The following ADGRL2 variants were observed in gnomAD, a reference collection of about 807,000 sequenced individuals.
ADGRL2 encodes adhesion G protein-coupled receptor L2, also known as calcium-independent alpha-latrotoxin receptor 2.
In ADGRL2, 44 loss-of-function variants were observed where a neutral mutation model predicts 157.4. That is an observed-to-expected ratio of 0.28 (90% CI 0.22 to 0.36). The LOEUF is 0.36. Ranked by LOEUF, ADGRL2 falls within the 10% of genes least tolerant of loss-of-function variation. ADGRL2 has a pLI of 1.00. For missense variants in ADGRL2, 1,510 were observed against 1,768.9 expected (o/e 0.85, Z 2.63); for synonymous variants, 585 against 624.7 (o/e 0.94, Z 0.95).
chr1:81,448,496 A>T (rs1438588728), intron 2 of ADGRL2, among the ~76,000 whole-genome samples: 1 of 151,944 alleles, frequency 6.6e-6, no homozygotes, highest in Non-Finnish European at 1.5e-5. Flanking sequence ...CTTTATAGCA[A>T]TGTGAGAATG....
At chr1:81,534,929 G>T (rs1051386069) in intron 2 of ADGRL2, among the ~76,000 whole-genome samples, 1 of 152,176 alleles carries the variant, frequency 6.6e-6, no homozygotes, top group Admixed American at 6.5e-5. Context: ...GGTGAATATT[G>T]TGATTTTTAT....
intron 3 of ADGRL2, among the ~76,000 whole-genome samples, chr1:81,620,674 T>C (rs1295205045): frequency 6.6e-6 from 1 of 152,190 alleles, no homozygotes; most frequent in Non-Finnish European, 1.5e-5. Context: ...CAATCTGCTT[T>C]AGAATAATAG....
chr1:81,781,679 C>T (rs1424275737), intron 2 of ADGRL2, among the ~76,000 whole-genome samples: 9 of 152,286 alleles, frequency 5.9e-5, no homozygotes, highest in Admixed American at 5.2e-4. Context: ...GGATATAGAA[C>T]TTGGATCCAG....
chr1:81,798,490 G>A (rs995604567), upstream of ADGRL2, among the ~76,000 whole-genome samples: 1 of 151,966 alleles, frequency 6.6e-6, no homozygotes, highest in African/African-American at 2.4e-5. Context: ...TATATTTTTA[G>A]GAGAAAAGTG....
chr1:81,953,239 CA>C (rs1269042330), intron 10 of ADGRL2, among the ~76,000 whole-genome samples: 1 of 151,966 alleles, frequency 6.6e-6, no homozygotes, highest in African/African-American at 2.4e-5. Context: ...TCCATTCATC[CA>C]AAAGTACACG....
intron 2 of ADGRL2, among the ~76,000 whole-genome samples, chr1:81,886,685 AAT>A (rs2094136119): frequency 6.6e-6 from 1 of 152,202 alleles, no homozygotes; most frequent in Non-Finnish European, 1.5e-5. Context: ...TTAATAATAA[AAT>A]ATGATAGGCT....
At chr1:81,320,958 A>T (rs1660461129) in intron 1 of ADGRL2, among the ~76,000 whole-genome samples, 1 of 152,238 alleles carries the variant, frequency 6.6e-6, no homozygotes. Context: ...GTTAAGTCCT[A>T]GATGGCATCT....
chr1:81,615,137 T>A (rs1205417378), intron 3 of ADGRL2, among the ~76,000 whole-genome samples: 1 of 152,100 alleles, frequency 6.6e-6, no homozygotes, highest in African/African-American at 2.4e-5. Flanking sequence ...CTGGGTCAGG[T>A]GGGGACTTGG....
chr1:81,592,405 T>A (rs115098534), intron 3 of ADGRL2, among the ~76,000 whole-genome samples: 116 of 152,346 alleles, frequency 7.6e-4, no homozygotes, highest in African/African-American at 2.5e-3. Context: ...ACAGCCATAG[T>A]TTGCTGACCC....
chr1:81,916,905 T>G (rs1196352759), intron 3 of ADGRL2, among the ~76,000 whole-genome samples: 3 of 151,968 alleles, frequency 2.0e-5, no homozygotes, highest in African/African-American at 7.2e-5. Flanking sequence ...TGTACTAGGT[T>G]AGGAACACGA....
At chr1:81,529,237 G>T (rs75134519) in intron 2 of ADGRL2, among the ~76,000 whole-genome samples, 13,539 of 152,236 alleles carry the variant, frequency 0.089, 1,186 homozygotes, top group African/African-American at 0.23. Flanking sequence ...CAAAGCAGCT[G>T]TTGCTATAGT....
intron 2 of ADGRL2, among the ~76,000 whole-genome samples, chr1:81,862,058 G>A (rs74659945): frequency 0.062 from 9,386 of 152,048 alleles, 363 homozygotes; most frequent in South Asian, 0.083. Context: ...GAAATATTAC[G>A]TTTACGCTGG....
chr1:81,803,828 T>C (rs1450243269), intron 1 of ADGRL2, among the ~76,000 whole-genome samples: 1 of 152,184 alleles, frequency 6.6e-6, no homozygotes, highest in African/African-American at 2.4e-5. Flanking sequence ...TCCAGAGGCA[T>C]AGATTTAACG....
chr1:81,903,932 A>G (rs947782549), intron 2 of ADGRL2, among the ~76,000 whole-genome samples: 1 of 151,658 alleles, frequency 6.6e-6, no homozygotes, highest in Non-Finnish European at 1.5e-5. Flanking sequence ...AGTGATACAT[A>G]TATAATAATA....
chr1:81,370,644 G>A (rs2076146321), intron 1 of ADGRL2, among the ~76,000 whole-genome samples: 1 of 152,088 alleles, frequency 6.6e-6, no homozygotes. Context: ...ATTAAGACCT[G>A]AAGACAGTTA....
chr1:81,721,866 A>T, intron 1 of ADGRL2: 1 of 792,654 alleles, frequency 1.3e-6, no homozygotes, highest in Non-Finnish European at 2.2e-6. Context: ...GGGAAAAAAA[A>T]AACCTGATAG....
At chr1:81,940,603 A>G (rs958471952) in intron 4 of ADGRL2, among the ~76,000 whole-genome samples, 2 of 151,622 alleles carry the variant, frequency 1.3e-5, no homozygotes, top group African/African-American at 4.8e-5. Flanking sequence ...GTTTTTTCCC[A>G]TAAGTGTTTC....
rs1450645115 is a variant in ADGRL2, at chr1:81,955,562, A to C, written c.1834-315A>C. ...ACTCTACCTGTAAGAGTAATGTCTC[A>C]GATTAAGAGCTGACACAGGTGGTTG... is the stretch of plus-strand genomic sequence containing the variant. On this transcript the variant is annotated intron_variant, in intron 10 of 23. Coordinates refer to ENST00000686636, the MANE Select transcript of ADGRL2 (RefSeq NM_001366006.2). Among the ~76,000 whole-genome samples, 3 of 152,184 alleles carry C rather than the reference A, an allele frequency of 2.0e-5. No homozygotes were observed. In the East Asian group the frequency reaches 5.8e-4, roughly 29 times the overall value.
chr1:81,960,273 G>C (rs1436147396), intron 11 of ADGRL2, among the ~76,000 whole-genome samples: 1 of 152,098 alleles, frequency 6.6e-6, no homozygotes, highest in Non-Finnish European at 1.5e-5. Flanking sequence ...CTGGTATGCT[G>C]ATGGTTAGAT....
Sources: gnomAD v4.1 joint callset for allele counts (sites outside exome capture counted in the v4.1 genomes callset) on GRCh38, gnomAD v4.1.1 for gene constraint, MANE v1.5 for transcripts, NCBI Gene and HGNC (gene_info 2026-07-23, HGNC 2026-07-21) for gene names.